Variants in YAP1 observed in about 807,000 individuals in gnomAD.
YAP1 encodes the protein Yes1 associated transcriptional regulator, also known as transcriptional coactivator YAP1.
YAP1 carries 5 observed loss-of-function variants against 56.9 expected under a neutral mutation model. That is an observed-to-expected ratio of 0.09 (90% CI 0.05 to 0.18). The LOEUF (loss-of-function observed/expected upper bound fraction) is 0.18, where lower values mean the gene tolerates loss of function less well. YAP1 is among the 10% of genes least tolerant of loss of function. YAP1 has a pLI of 1.00. For missense variants in YAP1, 539 were observed against 651.8 expected (o/e 0.83, Z 1.88); for synonymous variants, 265 against 248.1 (o/e 1.07, Z -0.64).
At chr11:102,220,663 T>C (rs1684053237) in intron 6 of YAP1, among the ~76,000 whole-genome samples, 1 of 151,628 alleles carries the variant, frequency 6.6e-6, no homozygotes, top group Non-Finnish European at 1.5e-5. Flanking sequence ...GGGTCTGGAG[T>C]CTCTGAGGTT....
rs1191109094 is a variant in YAP1, at chr11:102,225,170, T to G, written c.1163+1418T>G. Among the ~76,000 whole-genome samples, 16 of 141,800 alleles carry G rather than the reference T, an allele frequency of 1.1e-4. No individual in the cohort carries two copies. The Admixed American group carries it at 1.1e-3, about 10-fold the overall frequency. The allele number at this position is 141,800 out of a possible 152,430, so 93.0% of individuals were successfully genotyped here. A position where few individuals can be genotyped will look rare whatever the true frequency, so the allele number is the denominator to read the frequency against. The stretch of plus-strand genomic sequence containing the variant: ...ATAATAACATACATCTGACTTTGAC[T>G]TTTTTTTTCTTTAAAAAAAAAAACA... On this transcript the variant is annotated intron_variant, in intron 7 of 8. Transcript: ENST00000282441.
intron 2 of YAP1, among the ~76,000 whole-genome samples, chr11:102,132,384 A>G (rs1413543123): frequency 6.6e-6 from 1 of 152,230 alleles, no homozygotes; most frequent in East Asian, 1.9e-4. Flanking sequence ...TTAATTAATT[A>G]ATCTCAGTTT....
At chr11:102,112,850 A>G (rs1943045657) in intron 1 of YAP1, 1 of 864,692 alleles carries the variant, frequency 1.2e-6, no homozygotes, top group African/African-American at 1.8e-5. Context: ...TTCAAAGTAT[A>G]ATACACATAG....
intron 3 of YAP1, among the ~76,000 whole-genome samples, chr11:102,183,882 C>G (rs1318566093): frequency 1.3e-5 from 2 of 151,628 alleles, no homozygotes; most frequent in East Asian, 3.9e-4. Context: ...CGAGACCATC[C>G]CGGCTAAAAT....
intron 4 of YAP1, among the ~76,000 whole-genome samples, chr11:102,197,470 T>A (rs116709295): frequency 6.6e-6 from 1 of 152,218 alleles, no homozygotes; most frequent in African/African-American, 2.4e-5. Context: ...AAAAATTGTC[T>A]GAAGTTTGGA....
intron 4 of YAP1, among the ~76,000 whole-genome samples, chr11:102,203,471 C>T (rs534629358): frequency 6.6e-6 from 1 of 151,950 alleles, no homozygotes; most frequent in Non-Finnish European, 1.5e-5. Flanking sequence ...TTAAAGAAGG[C>T]CCTGTCTTTT....
chr11:102,133,948 A>G (rs1259128294), intron 2 of YAP1, among the ~76,000 whole-genome samples: 1 of 152,186 alleles, frequency 6.6e-6, no homozygotes, highest in Non-Finnish European at 1.5e-5. Flanking sequence ...TTTTGTACAT[A>G]CAGTAAGAAA....
chr11:102,179,296 C>G (rs1023410017), intron 3 of YAP1, among the ~76,000 whole-genome samples: 3 of 152,100 alleles, frequency 2.0e-5, no homozygotes, highest in Admixed American at 6.5e-5. Flanking sequence ...ACATCTTTTT[C>G]ACGTCTAAGG....
At chr11:102,142,030 CATT>C (rs1945054605) in intron 2 of YAP1, among the ~76,000 whole-genome samples, 1 of 152,134 alleles carries the variant, frequency 6.6e-6, no homozygotes, top group Non-Finnish European at 1.5e-5. Flanking sequence ...AGTGTGATAA[CATT>C]GTATTTGCAG....
chr11:102,177,675 CA>C (rs1022433513), intron 3 of YAP1, among the ~76,000 whole-genome samples: 1,599 of 55,016 alleles, frequency 0.029, 18 homozygotes, highest in East Asian at 0.15. Context: ...GACTCGGTCT[CA>C]AAAAAAAAAA....
At chr11:102,182,555 C>A (rs1947690805) in intron 3 of YAP1, among the ~76,000 whole-genome samples, 1 of 152,294 alleles carries the variant, frequency 6.6e-6, no homozygotes, top group Admixed American at 6.5e-5. Context: ...CATTGAGAAT[C>A]AAGTCACTGA....
intron 4 of YAP1, among the ~76,000 whole-genome samples, chr11:102,195,608 C>G (rs151009014): frequency 1.1e-3 from 170 of 152,210 alleles, no homozygotes; most frequent in African/African-American, 3.9e-3. Flanking sequence ...AGTGAGTGCT[C>G]GCAAGATCTT....
At chr11:102,178,157 C>T (rs73582059) in intron 3 of YAP1, among the ~76,000 whole-genome samples, 6,703 of 152,160 alleles carry the variant, frequency 0.044, 503 homozygotes, top group African/African-American at 0.15. Flanking sequence ...GTGCCGTGTA[C>T]ATAGTAAGAA....
chr11:102,160,924 T>C (rs1444354932), intron 2 of YAP1, among the ~76,000 whole-genome samples: 1 of 152,112 alleles, frequency 6.6e-6, no homozygotes, highest in Non-Finnish European at 1.5e-5. Context: ...AAACAAGAAC[T>C]CATAACCACC....
intron 2 of YAP1, among the ~76,000 whole-genome samples, chr11:102,123,003 G>C (rs1943775530): frequency 6.6e-6 from 1 of 151,324 alleles, no homozygotes; most frequent in Non-Finnish European, 1.5e-5. Flanking sequence ...ACTCCTTCTA[G>C]GTGTTTTTTC....
At chr11:102,136,066 G>T (rs907696082) in intron 2 of YAP1, among the ~76,000 whole-genome samples, 1 of 152,310 alleles carries the variant, frequency 6.6e-6, no homozygotes, top group South Asian at 2.1e-4. Flanking sequence ...TCTAGGCTGT[G>T]TAAGAGTGGA....
chr11:102,231,546 T>C lies in YAP1; in HGVS notation c.*1606T>C, dbSNP rs2135735368. The stretch of plus-strand genomic sequence containing the variant: ...GAGATAATCATGATTATACCTTTAT[T>C]TTTACAGGAAGAGATGATGTAACTA... On this transcript the variant is annotated 3_prime_UTR_variant, in exon 9 of 9. Coordinates refer to ENST00000282441, the MANE Select transcript of YAP1 (RefSeq NM_001130145.3). 6.5e-6 allele frequency: 1 copy of C among 152,750 alleles called. No homozygotes were observed. The highest frequency in any genetic ancestry group is 1.5e-5 in the Non-Finnish European group (1 of 68,028). The allele number at this position is 152,750 out of a possible 1,614,324, so 9.5% of individuals were successfully genotyped here.
At chr11:102,208,802 A>C (rs544548334) in intron 5 of YAP1, among the ~76,000 whole-genome samples, 1 of 152,344 alleles carries the variant, frequency 6.6e-6, no homozygotes, top group South Asian at 2.1e-4. Flanking sequence ...ACTAATGTCA[A>C]AACCATACTG....
In YAP1 at chr11:102,221,596, C is replaced by T. The variant is rs149068390; in HGVS notation, c.1033-2026C>T. On this transcript the variant is annotated intron_variant, in intron 6 of 8. Transcript: ENST00000282441. Reference sequence around the variant, plus strand: ...AAATTAGCTGGGTATGGTGGTGTGCCTCTGTGGCTGCAGCTACTCATGAGG... The same window carrying T: ...AAATTAGCTGGGTATGGTGGTGTGCTTCTGTGGCTGCAGCTACTCATGAGG... Among the ~76,000 whole-genome samples the T allele has an allele frequency of 5.0e-3, 759 of 151,936 alleles. 5 individuals are homozygous for T. The highest frequency in any genetic ancestry group is 0.018 in the African/African-American group (726 of 41,416).
Sources: allele counts gnomAD v4.1 joint callset (sites outside exome capture counted in the v4.1 genomes callset), GRCh38; gene constraint gnomAD v4.1.1; transcripts MANE v1.5; gene names NCBI Gene and HGNC (gene_info 2026-07-23, HGNC 2026-07-21).